Variants in PLXNA4 observed in about 807,000 individuals in gnomAD.
The protein encoded by PLXNA4 is plexin A4.
Under a neutral mutation model 191.8 loss-of-function variants are expected in PLXNA4, and 44 were observed. The ratio of observed to expected loss-of-function variants is 0.23; its 90% confidence interval spans 0.18 to 0.29. The LOEUF is 0.29. Ranked by LOEUF, PLXNA4 falls within the 10% of genes least tolerant of loss-of-function variation. The pLI, the probability that PLXNA4 is intolerant of heterozygous loss-of-function variation, is 1.00. For missense variants in PLXNA4, 1,800 were observed against 2,488.8 expected (o/e 0.72, Z 5.89); for synonymous variants, 1,082 against 1,009.5 (o/e 1.07, Z -1.36).
intron 4 of PLXNA4, among the ~76,000 whole-genome samples, chr7:132,269,897 T>C (rs1273047901): frequency 2.6e-5 from 4 of 151,992 alleles, no homozygotes; most frequent in Admixed American, 2.6e-4. Flanking sequence ...GAGGGAGCTG[T>C]CCCTAGTACA....
chr7:132,365,328 CGTGTGT>C (rs3057957), intron 3 of PLXNA4, among the ~76,000 whole-genome samples: 7 of 143,072 alleles, frequency 4.9e-5, no homozygotes, highest in East Asian at 2.1e-4. Context: ...CTACGGCCCG[CGTGTGT>C]GTGTGTGTGT....
At chr7:132,260,464 C>T (rs919069250) in intron 4 of PLXNA4, among the ~76,000 whole-genome samples, 5 of 151,998 alleles carry the variant, frequency 3.3e-5, no homozygotes, top group Non-Finnish European at 5.9e-5. Flanking sequence ...AGTGAGTACA[C>T]ATGGGAACAT....
At chr7:132,423,266 T>C (rs756925674) in intron 3 of PLXNA4, among the ~76,000 whole-genome samples, 2 of 152,208 alleles carry the variant, frequency 1.3e-5, no homozygotes, top group African/African-American at 2.4e-5. Context: ...ATATTTCTAT[T>C]TTGCACAATT....
In PLXNA4 at chr7:132,227,578, C is replaced by T. The variant is rs749277155; in HGVS notation, c.1755G>A (p.Pro585=). 26 of 1,613,962 alleles carry T rather than the reference C, an allele frequency of 1.6e-5. No homozygotes were observed. The African/African-American group carries it at 1.7e-4, about 11-fold the overall frequency. ...VLLVLETYNV[P]ELSAGVNCTF... is the part of the protein sequence containing the mutation. ...TGCAGTTGACGCCAGCTGACAGCTC[C>T]GGGACATTGTACGTCTCCAGGACCA... The change falls in exon 7 of 32, where the codon CCG becomes CCA. Residue 585 remains proline, a synonymous_variant. Coordinates refer to ENST00000321063, the MANE Select transcript of PLXNA4 (RefSeq NM_020911.2).
chr7:132,540,985 T>C (rs1341958609), intron 1 of PLXNA4, among the ~76,000 whole-genome samples: 2 of 152,164 alleles, frequency 1.3e-5, no homozygotes, highest in Non-Finnish European at 2.9e-5. Flanking sequence ...GTTCAGAAAC[T>C]TAACAATCCT....
chr7:132,313,833 G>A (rs1801842042), intron 3 of PLXNA4, among the ~76,000 whole-genome samples: 3 of 152,264 alleles, frequency 2.0e-5, no homozygotes, highest in Admixed American at 6.5e-5. Context: ...CACCATGGCA[G>A]GCTGGCCCTC....
upstream of PLXNA4, among the ~76,000 whole-genome samples, chr7:132,579,500 T>A (rs1585383465): frequency 6.6e-6 from 1 of 151,256 alleles, no homozygotes; most frequent in African/African-American, 2.4e-5. Context: ...CATTTCCTGA[T>A]GGATGGACGG....
chr7:132,633,523 C>G (rs574885017), intron 2 of PLXNA4, among the ~76,000 whole-genome samples: 1 of 152,096 alleles, frequency 6.6e-6, no homozygotes, highest in Non-Finnish European at 1.5e-5. Context: ...CCTTGTGATC[C>G]ACCTGCCTCG....
chr7:132,365,326 C>CGTGT (rs1427549905), intron 3 of PLXNA4, among the ~76,000 whole-genome samples: 5 of 114,254 alleles, frequency 4.4e-5, no homozygotes, highest in Non-Finnish European at 7.5e-5. Context: ...TCCTACGGCC[C>CGTGT]GCGTGTGTGT....
chr7:132,545,236 C>T (rs1800248287), intron 1 of PLXNA4, among the ~76,000 whole-genome samples: 1 of 152,216 alleles, frequency 6.6e-6, no homozygotes, highest in Admixed American at 6.5e-5. Context: ...AGTTACTTCA[C>T]ATGCTCCTGT....
intron 1 of PLXNA4, among the ~76,000 whole-genome samples, chr7:132,562,568 TCTC>T (rs1188025031): frequency 1.6e-5 from 1 of 63,334 alleles, no homozygotes; most frequent in Admixed American, 1.8e-4. Context: ...CTTCCTCCTT[TCTC>T]CTCCTCCTTG....
At chr7:132,572,523 G>T (rs879910089) in intron 1 of PLXNA4, among the ~76,000 whole-genome samples, 2 of 152,172 alleles carry the variant, frequency 1.3e-5, no homozygotes, top group Non-Finnish European at 2.9e-5. Context: ...TCTTCTTCCA[G>T]GCTGCTCCAT....
chr7:132,552,269 A>T (rs1161631592), intron 1 of PLXNA4, among the ~76,000 whole-genome samples: 2 of 151,916 alleles, frequency 1.3e-5, no homozygotes, highest in Admixed American at 6.6e-5. Context: ...TAAAGCCCTG[A>T]CTCCTAGACC....
chr7:132,547,044 G>T (rs1800341377), intron 1 of PLXNA4, among the ~76,000 whole-genome samples: 1 of 152,122 alleles, frequency 6.6e-6, no homozygotes, highest in Non-Finnish European at 1.5e-5. Context: ...TTCCTCTCTT[G>T]AAATAGTAAA....
chr7:132,619,318 T>C (rs1284342359), intron 2 of PLXNA4, among the ~76,000 whole-genome samples: 3 of 152,164 alleles, frequency 2.0e-5, no homozygotes, highest in Non-Finnish European at 4.4e-5. Context: ...ACAAGAAGAT[T>C]ATACCATATA....
At chr7:132,352,107 G>A (rs1803512045) in intron 3 of PLXNA4, among the ~76,000 whole-genome samples, 1 of 152,100 alleles carries the variant, frequency 6.6e-6, no homozygotes, top group Admixed American at 6.5e-5. Context: ...CTGGAATAGG[G>A]TCCCTGCAAG....
chr7:132,387,559 C>T (rs1805204861), intron 3 of PLXNA4, among the ~76,000 whole-genome samples: 1 of 152,170 alleles, frequency 6.6e-6, no homozygotes, highest in Non-Finnish European at 1.5e-5. Flanking sequence ...CCAGGTAACT[C>T]TATGGTTCAG....
At chr7:132,201,642 G>A (rs1797437653) in intron 12 of PLXNA4, among the ~76,000 whole-genome samples, 1 of 152,212 alleles carries the variant, frequency 6.6e-6, no homozygotes, top group African/African-American at 2.4e-5. Context: ...TGAGCTGGAG[G>A]CACAGATGCC....
At chr7:132,335,085 A>G (rs569903210) in intron 3 of PLXNA4, among the ~76,000 whole-genome samples, 1 of 152,302 alleles carries the variant, frequency 6.6e-6, no homozygotes, top group South Asian at 2.1e-4. Flanking sequence ...ATACTCCTTA[A>G]TCTTTTGACT....
Sources: gnomAD v4.1 joint callset for allele counts (sites outside exome capture counted in the v4.1 genomes callset) on GRCh38, gnomAD v4.1.1 for gene constraint, MANE v1.5 for transcripts, NCBI Gene and HGNC (gene_info 2026-07-23, HGNC 2026-07-21) for gene names.